Variants in ETV5 observed in about 807,000 individuals in gnomAD.
ETV5 encodes the protein ETS variant transcription factor 5, also known as ETS translocation variant 5.
A neutral mutation model predicts 70.0 loss-of-function variants in ETV5; 10 were observed. The observed-to-expected ratio is 0.14, with a 90% CI of 0.09 to 0.24. ETV5 has a LOEUF of 0.24. ETV5 is among the 10% of genes least tolerant of loss of function. The pLI is 1.00. For missense variants in ETV5, 453 were observed against 651.2 expected (o/e 0.70, Z 3.31); for synonymous variants, 216 against 242.2 (o/e 0.89, Z 1.01).
At chr3:186,085,487 C>A (rs180920989) in intron 5 of ETV5, among the ~76,000 whole-genome samples, 33 of 151,086 alleles carry the variant, frequency 2.2e-4, no homozygotes, top group African/African-American at 7.1e-4. Flanking sequence ...GCAATGCCAT[C>A]TCTGACTCCA....
rs1264961432 is a variant in ETV5, at chr3:186,052,022, T to C, written c.1311+8A>G. ...AGAGTGGGCTAAGGGTCTTGTATAA[T>C]GGCTCACCTTCTGCATGATGCCCTT... On this transcript the variant is annotated splice_region_variant and intron_variant, in intron 12 of 12. Transcript: ENST00000306376. This position sits in a 1 kb window ranked among gnomAD's most constrained non-coding sequence, Gnocchi z 4.5. 1 of 1,613,150 alleles carries C rather than the reference T, an allele frequency of 6.2e-7. No individual in the cohort carries two copies. Among genetic ancestry groups the C allele is most frequent in the East Asian group, 2.2e-5 (1 of 44,850 alleles).
chr3:186,102,767 GA>G (rs1714491831), intron 5 of ETV5, among the ~76,000 whole-genome samples: 1 of 151,712 alleles, frequency 6.6e-6, no homozygotes, highest in Admixed American at 6.6e-5. Flanking sequence ...TCCCTCCCCT[GA>G]AAAAAATCAC....
At position 186,048,462 on chromosome 3, in the gene ETV5, T is replaced by G. The variant is rs1208208120; in HGVS notation, c.*177A>C. On this transcript the variant is annotated 3_prime_UTR_variant, in exon 13 of 13. Transcript: ENST00000306376. ...GTTTTCTGCCCCTCCCTGTTCCCAC[T>G]CCCCAGCCAATGTATCTGTCTTTAA... 1.6e-6 allele frequency: 1 copy of G among 614,852 alleles called. No individual in the cohort carries two copies. The highest frequency in any genetic ancestry group is 2.9e-6 in the Non-Finnish European group (1 of 349,372). The allele number at this position is 614,852 out of a possible 1,614,324, so 38.1% of individuals were successfully genotyped here. A position where few individuals can be genotyped will look rare whatever the true frequency, so the allele number is the denominator to read the frequency against.
chr3:186,093,380 T>C (rs1267603171), intron 5 of ETV5, among the ~76,000 whole-genome samples: 2 of 152,200 alleles, frequency 1.3e-5, no homozygotes, highest in Non-Finnish European at 2.9e-5. Context: ...TGGCTTCATA[T>C]AACCTGGGGA....
intron 7 of ETV5, among the ~76,000 whole-genome samples, chr3:186,073,063 G>A (rs1713683568): frequency 6.6e-6 from 1 of 152,082 alleles, no homozygotes; most frequent in Non-Finnish European, 1.5e-5. Flanking sequence ...ACTCGGGAGG[G>A]GGAGGTTTTA....
chr3:186,057,364 A>G lies in ETV5; in HGVS notation c.1039+59T>C. 1 of 1,605,302 alleles carries G rather than the reference A, an allele frequency of 6.2e-7. No individual in the cohort carries two copies. The highest frequency in any genetic ancestry group is 8.5e-7 in the Non-Finnish European group (1 of 1,172,156). ...GGACTTGGGAAGAGAGTCATGGCTGAGGTGTTCTGACACCTCCAAACCTCT... is the reference window on the plus strand; with the variant it reads ...GGACTTGGGAAGAGAGTCATGGCTGGGGTGTTCTGACACCTCCAAACCTCT... On this transcript the variant is annotated intron_variant, in intron 10 of 12. Coordinates refer to ENST00000306376, the MANE Select transcript of ETV5 (RefSeq NM_004454.3). The surrounding 1 kb of genome is among the most constrained non-coding windows in gnomAD (Gnocchi z 4.9).
rs750960871 is a variant in ETV5, at chr3:186,079,951, C to G, written c.516G>C (p.Val172=). 3.7e-6 allele frequency: 6 copies of G among 1,605,092 alleles called. No homozygotes were observed. The South Asian group carries it at 6.7e-5, about 18-fold the overall frequency. Residue 172 remains valine (V), a synonymous_variant, in exon 7 of 13, where the codon GTG becomes GTC. Coordinates refer to ENST00000306376, the MANE Select transcript of ETV5 (RefSeq NM_004454.3). ...GCGAATGGGGGGCGGGGGCGGGGCCCACACCTTGAACTGGGCCAGCTGCAG... is the reference window on the plus strand; with the variant it reads ...GCGAATGGGGGGCGGGGGCGGGGCCGACACCTTGAACTGGGCCAGCTGCAG... ...HAPAAGPVQG[V]GPAPAPHSLP...
chr3:186,050,051 G>A (rs1190279104), intron 12 of ETV5, among the ~76,000 whole-genome samples: 2 of 152,132 alleles, frequency 1.3e-5, no homozygotes, highest in Admixed American at 6.5e-5. Context: ...TCATGTACTC[G>A]TGAGTCATGT....
chr3:186,084,534 G>A (rs1380025656), intron 5 of ETV5, among the ~76,000 whole-genome samples: 5 of 152,154 alleles, frequency 3.3e-5, no homozygotes, highest in African/African-American at 9.6e-5. Flanking sequence ...TCTGGATGTC[G>A]GGGGCCTATG....
At chr3:186,065,725 TC>T in intron 8 of ETV5, 87 bp downstream of exon 8, 1 of 1,462,886 alleles carries the variant, frequency 6.8e-7, no homozygotes, top group Non-Finnish European at 9.2e-7. Flanking sequence ...AAAATTCCTG[TC>T]CCCAAGGCCC....
chr3:186,046,647 GC>G lies in ETV5; in HGVS notation c.*1991del, dbSNP rs1287234192. ...AGCTACAGAGGATTATTGTCATATT[GC>G]TAAGACAGCATAAATCCATTCAAAA... On this transcript the variant is annotated 3_prime_UTR_variant, in exon 13 of 13. Transcript: ENST00000306376. The G allele has an allele frequency of 1.4e-5, 3 of 212,490 alleles. No individual in the cohort carries two copies. Among genetic ancestry groups the G allele is most frequent in the Non-Finnish European group, 2.7e-5 (3 of 109,784 alleles). The allele number at this position is 212,490 out of a possible 1,614,324, so 13.2% of individuals were successfully genotyped here.
intron 5 of ETV5, among the ~76,000 whole-genome samples, chr3:186,102,197 T>C (rs572648183): frequency 6.6e-6 from 1 of 152,254 alleles, no homozygotes; most frequent in South Asian, 2.1e-4. Context: ...TCTTTAAAAC[T>C]GACATTCCAA....
At chr3:186,108,175 T>TC (rs893639471) in intron 1 of ETV5, among the ~76,000 whole-genome samples, 1 of 131,468 alleles carries the variant, frequency 7.6e-6, no homozygotes, top group African/African-American at 2.9e-5. Flanking sequence ...GGAGTTCGGT[T>TC]CCCCCCCGAG....
chr3:186,095,084 G>A (rs1031544413), intron 5 of ETV5: 5 of 152,190 alleles, frequency 3.3e-5, no homozygotes, highest in Non-Finnish European at 7.3e-5. Context: ...GGGCAGCTTA[G>A]CTCTTCAAAG....
At chr3:186,099,402 G>C (rs1324117488) in intron 5 of ETV5, among the ~76,000 whole-genome samples, 1 of 152,240 alleles carries the variant, frequency 6.6e-6, no homozygotes, top group Non-Finnish European at 1.5e-5. Context: ...TTGTCCAAGA[G>C]CTGGGAGCTG....
chr3:186,108,664 C>T (rs910407846), intron 1 of ETV5: 1 of 1,158,632 alleles, frequency 8.6e-7, no homozygotes, highest in Non-Finnish European at 1.1e-6. Context: ...GGAGCCCCCG[C>T]ACTCGCGCTC....
In ETV5 at chr3:186,048,457, C is replaced by G. The variant is rs1712934751; in HGVS notation, c.*182G>C. ...TGGTGGTTTTCTGCCCCTCCCTGTTCCCACTCCCCAGCCAATGTATCTGTC... is the reference window on the plus strand; with the variant it reads ...TGGTGGTTTTCTGCCCCTCCCTGTTGCCACTCCCCAGCCAATGTATCTGTC... On this transcript the variant is annotated 3_prime_UTR_variant, in exon 13 of 13. Coordinates refer to ENST00000306376, the MANE Select transcript of ETV5 (RefSeq NM_004454.3). 1 of 607,078 alleles carries G rather than the reference C, an allele frequency of 1.6e-6. No homozygotes were observed. 37.6% of individuals were successfully genotyped at this position (607,078 alleles called of 1,614,324 possible). A position where few individuals can be genotyped will look rare whatever the true frequency, so the allele number is the denominator to read the frequency against.
chr3:186,074,901 T>C lies in ETV5; in HGVS notation c.650+4916A>G, dbSNP rs117427760. Among the ~76,000 whole-genome samples the C allele has an allele frequency of 6.3e-4, 95 of 151,262 alleles. 2 individuals carry two copies. The East Asian group carries it at 0.016, about 25-fold the overall frequency. On this transcript the variant is annotated intron_variant, in intron 7 of 12. Coordinates refer to ENST00000306376, the MANE Select transcript of ETV5 (RefSeq NM_004454.3). ...AAAAAAAGAATAAACAAGTTAGGTT[T>C]GTCACAAGAATGCAAGGTTGGTTTC...
intron 7 of ETV5, chr3:186,076,498 G>A (rs988049758): frequency 5.5e-6 from 1 of 182,822 alleles, no homozygotes; most frequent in African/African-American, 2.4e-5. Flanking sequence ...TCGGCATAGT[G>A]TACTACAGAG....
Sources: allele counts gnomAD v4.1 joint callset (sites outside exome capture counted in the v4.1 genomes callset), GRCh38; gene constraint gnomAD v4.1.1; non-coding constraint Gnocchi (gnomAD v3.1); transcripts MANE v1.5; gene names NCBI Gene and HGNC (gene_info 2026-07-23, HGNC 2026-07-21).